The following SOD2 variants were observed in gnomAD, a reference collection of about 807,000 sequenced individuals.
The protein encoded by SOD2 is superoxide dismutase 2.
A neutral mutation model predicts 27.0 loss-of-function variants in SOD2; 11 were observed. That is an observed-to-expected ratio of 0.41 (90% CI 0.26 to 0.67). The LOEUF (loss-of-function observed/expected upper bound fraction) is 0.67. SOD2 is among the 30% of genes least tolerant of loss of function. SOD2 has a pLI of 0.34. For synonymous variants in SOD2, 105 were observed against 103.0 expected (o/e 1.02, Z -0.12); for missense variants, 250 against 274.5 (o/e 0.91, Z 0.63).
intron 1 of SOD2, among the ~76,000 whole-genome samples, chr6:159,757,121 C>T (rs1305862770): frequency 6.6e-6 from 1 of 152,176 alleles, no homozygotes; most frequent in African/African-American, 2.4e-5. Flanking sequence ...GCTCCATTTT[C>T]TCAGAGGTAA....
intron 1 of SOD2, among the ~76,000 whole-genome samples, chr6:159,757,674 G>C (rs1013819634): frequency 1.3e-5 from 2 of 152,128 alleles, no homozygotes; most frequent in Non-Finnish European, 2.9e-5. Flanking sequence ...GCCTCCCAAA[G>C]TGCTGGGATT....
At chr6:159,743,608 G>A (rs149754385) in intron 1 of SOD2, 645 of 1,492,846 alleles carry the variant, frequency 4.3e-4, no homozygotes, top group Non-Finnish European at 5.6e-4. Flanking sequence ...GTTCTTGACA[G>A]AGGTATTTAG....
chr6:159,717,687 G>A (rs1404321318), intron 1 of SOD2, among the ~76,000 whole-genome samples: 1 of 152,080 alleles, frequency 6.6e-6, no homozygotes, highest in African/African-American at 2.4e-5. Flanking sequence ...TGTTGTATCT[G>A]TTAATAACCT....
In SOD2 at chr6:159,671,158, C is replaced by G. The variant is rs1027015857; in HGVS notation, c.*11335G>C. The G allele has an allele frequency of 3.9e-5, 6 of 152,414 alleles. No individual in the cohort carries two copies. Among genetic ancestry groups the G allele is most frequent in the African/African-American group, 1.4e-4 (6 of 41,560 alleles). 9.4% of individuals were successfully genotyped at this position (152,414 alleles called of 1,614,324 possible). Reference sequence around the variant, plus strand: ...TGCCTGCCTGCCTCTGTAGACTCCACCTCTGGGGGCATGGCATAGCCGAAC... The same window carrying G: ...TGCCTGCCTGCCTCTGTAGACTCCAGCTCTGGGGGCATGGCATAGCCGAAC... On this transcript the variant is annotated 3_prime_UTR_variant, in exon 5 of 5. Transcript: ENST00000538183.
chr6:159,733,577 G>A (rs1221839558), intron 1 of SOD2, among the ~76,000 whole-genome samples: 3 of 150,706 alleles, frequency 2.0e-5, no homozygotes, highest in Non-Finnish European at 4.4e-5. Context: ...AGCCATCATC[G>A]CACCACTGCA....
chr6:159,696,400 A>G (rs541156217), upstream of SOD2, among the ~76,000 whole-genome samples: 8 of 151,910 alleles, frequency 5.3e-5, no homozygotes, highest in East Asian at 1.9e-4. Flanking sequence ...GCTCACTGCA[A>G]CCTCCACCTC....
chr6:159,751,442 T>C (rs2114954109), intron 1 of SOD2, among the ~76,000 whole-genome samples: 1 of 152,346 alleles, frequency 6.6e-6, no homozygotes, highest in East Asian at 1.9e-4. Flanking sequence ...TTTGAGAGCA[T>C]AGGCAGTAAA....
chr6:159,711,903 T>G (rs376030477), intron 1 of SOD2, among the ~76,000 whole-genome samples: 10 of 103,018 alleles, frequency 9.7e-5, no homozygotes, highest in Non-Finnish European at 1.7e-4. Flanking sequence ...ACCACTCACA[T>G]TGCTCTGATC....
upstream of SOD2, chr6:159,730,783 T>C (rs1778517881): frequency 3.3e-5 from 5 of 152,238 alleles, 1 homozygote; most frequent in South Asian, 8.3e-4. Context: ...TGTAGACATT[T>C]ATCCAAAATC....
exon 1 of SOD2, chr6:159,762,074 G>A (rs1253852178): frequency 1.2e-6 from 2 of 1,612,672 alleles, no homozygotes; most frequent in Non-Finnish European, 1.7e-6. Context: ...GCAGACGGCG[G>A]CAGGAGAAGC....
chr6:159,761,908 G>C (rs1451044862), exon 1 of SOD2: 1 of 487,948 alleles, frequency 2.0e-6, no homozygotes, highest in Non-Finnish European at 3.2e-6. Flanking sequence ...GCCTCCGCCC[G>C]CCCCTGCTCC....
At chr6:159,692,251 G>A (rs1777236345) in intron 2 of SOD2, 1 of 479,704 alleles carries the variant, frequency 2.1e-6, no homozygotes, top group Non-Finnish European at 3.3e-6. Context: ...CAAACGGCTG[G>A]CACACCTACC....
rs552295416 is a variant in SOD2 at position 159,688,380 on chromosome 6, C to T, written c.227-138G>A. 8.5e-5 allele frequency: 51 copies of T among 600,524 alleles called. No homozygotes were observed. In the African/African-American group the frequency reaches 8.6e-4, roughly 10 times the overall value. 37.2% of individuals were successfully genotyped at this position (600,524 alleles called of 1,614,324 possible). A position where few individuals can be genotyped will look rare whatever the true frequency, so the allele number is the denominator to read the frequency against. On this transcript the variant is annotated intron_variant, in intron 2 of 4. Transcript: ENST00000538183. Reference sequence around the variant, plus strand: ...AACATCCGTTTGTCCTAAAATTCAGCACCCCCCCGCCCCAAAATTATTTGT... The same window carrying T: ...AACATCCGTTTGTCCTAAAATTCAGTACCCCCCCGCCCCAAAATTATTTGT...
intron 1 of SOD2, among the ~76,000 whole-genome samples, chr6:159,735,389 C>T (rs1778845253): frequency 6.6e-6 from 1 of 152,212 alleles, no homozygotes; most frequent in Non-Finnish European, 1.5e-5. Flanking sequence ...GATCCACCCA[C>T]CAGCCTCCCA....
intron 1 of SOD2, among the ~76,000 whole-genome samples, chr6:159,752,295 G>A (rs915695677): frequency 1.4e-4 from 21 of 152,106 alleles, no homozygotes; most frequent in African/African-American, 5.1e-4. Flanking sequence ...CTTTATCCAA[G>A]TCTCAAAGGT....
At chr6:159,697,034 G>GACACACACACACACACAC (rs35334577), upstream of SOD2, among the ~76,000 whole-genome samples, 51 of 132,720 alleles carry the variant, frequency 3.8e-4, no homozygotes, top group Admixed American at 1.6e-3. Context: ...AGGAGACCCT[G>GACACACACACACACACAC]ACACACACAC....
At chr6:159,715,478 A>G (rs1293282743) in intron 1 of SOD2, among the ~76,000 whole-genome samples, 5 of 152,162 alleles carry the variant, frequency 3.3e-5, no homozygotes, top group Admixed American at 3.3e-4. Context: ...GTGGGGAACA[A>G]AAAACCGTCC....
rs781330211 is a variant in SOD2 at position 159,743,642 on chromosome 6, A to G, written c.-116+1488T>C. ...AGAACTTGATCTTAAAATTGTATTT[A>G]TAATTTTTTTTTGAATCATCAGCTA... On this transcript the variant is annotated intron_variant, in intron 1 of 3. Transcript: ENST00000537657. 8.9e-6 allele frequency: 14 copies of G among 1,575,150 alleles called. No individual in the cohort carries two copies. The South Asian group carries it at 1.3e-4, about 15-fold the overall frequency.
chr6:159,708,582 AAGG>A (rs1777671208), intron 1 of SOD2, among the ~76,000 whole-genome samples: 2 of 152,232 alleles, frequency 1.3e-5, no homozygotes, highest in Non-Finnish European at 2.9e-5. Context: ...GGACCTCTTC[AAGG>A]AGAACTACAA....
Sources: allele counts gnomAD v4.1 joint callset (sites outside exome capture counted in the v4.1 genomes callset), GRCh38; gene constraint gnomAD v4.1.1; transcripts MANE v1.5; gene names NCBI Gene and HGNC (gene_info 2026-07-23, HGNC 2026-07-21).